The following DLAT variants were observed in gnomAD, a reference collection of about 807,000 sequenced individuals.
DLAT encodes dihydrolipoyllysine-residue acetyltransferase component of pyruvate dehydrogenase complex, mitochondrial.
A neutral mutation model predicts 68.0 loss-of-function variants in DLAT; 43 were observed. The ratio of observed to expected loss-of-function variants is 0.63; its 90% confidence interval spans 0.50 to 0.81. The LOEUF (loss-of-function observed/expected upper bound fraction) is 0.81. Ranked by LOEUF, DLAT falls within the 40% of genes least tolerant of loss-of-function variation. DLAT has a pLI of 0.00. For synonymous variants in DLAT, 265 were observed against 288.6 expected (o/e 0.92, Z 0.83); for missense variants, 745 against 815.4 (o/e 0.91, Z 1.05).
At chr11:112,053,141 G>A (rs1863760797) in intron 11 of DLAT, among the ~76,000 whole-genome samples, 1 of 152,066 alleles carries the variant, frequency 6.6e-6, no homozygotes, top group Non-Finnish European at 1.5e-5. Flanking sequence ...GGCCAACATG[G>A]TGAAACCCCA....
intron 10 of DLAT, among the ~76,000 whole-genome samples, chr11:112,048,171 A>G (rs1863423310): frequency 6.6e-6 from 1 of 152,148 alleles, no homozygotes; most frequent in Non-Finnish European, 1.5e-5. Context: ...TTCTCCTTGA[A>G]GAGGTCCTTC....
intron 7 of DLAT, among the ~76,000 whole-genome samples, chr11:112,039,632 T>C (rs908148756): frequency 6.6e-6 from 1 of 151,600 alleles, no homozygotes; most frequent in Non-Finnish European, 1.5e-5. Flanking sequence ...TTTAGATACC[T>C]TTTTTTTTCC....
In DLAT at chr11:112,043,399, AC is replaced by A. The variant is rs1863144053; in HGVS notation, c.1130-66del. ...CCTTAGGAGCTTGCAGTTTAGGATC[AC>A]AGCGTTGATCTCCTTGGGGAACCAA... On this transcript the variant is annotated intron_variant, in intron 7 of 13. Transcript: ENST00000280346. 3.5e-6 allele frequency: 5 copies of A among 1,443,120 alleles called. No individual in the cohort carries two copies. The East Asian group carries it at 1.1e-4, about 33-fold the overall frequency. The allele number at this position is 1,443,120 out of a possible 1,614,324, so 89.4% of individuals were successfully genotyped here. A position where few individuals can be genotyped will look rare whatever the true frequency, so the allele number is the denominator to read the frequency against.
At chr11:112,045,041 C>CCAA in intron 8 of DLAT, 97 bp from the exon 9 acceptor site, 1 of 789,278 alleles carries the variant, frequency 1.3e-6, no homozygotes, top group Non-Finnish European at 2.1e-6. Flanking sequence ...TCTCAAAAGA[C>CCAA]AAAAAAAAAA....
At chr11:112,043,754 G>A (rs587718670) in intron 8 of DLAT, among the ~76,000 whole-genome samples, 5 of 152,258 alleles carry the variant, frequency 3.3e-5, no homozygotes, top group South Asian at 2.1e-4. Flanking sequence ...ATATAAAATA[G>A]TGTAGTATTT....
intron 6 of DLAT, among the ~76,000 whole-genome samples, chr11:112,037,710 G>T (rs1555180668): frequency 6.6e-6 from 1 of 151,636 alleles, no homozygotes; most frequent in Non-Finnish European, 1.5e-5. Flanking sequence ...AAAGCTGAGT[G>T]ACATGTTCTC....
intron 2 of DLAT, among the ~76,000 whole-genome samples, 172 bp from the exon 3 acceptor site, chr11:112,028,343 T>C (rs587701506): frequency 2.1e-5 from 3 of 141,014 alleles, no homozygotes; most frequent in Admixed American, 1.6e-4. Context: ...CGCTTGAACC[T>C]GGGAGGGGGA....
intron 10 of DLAT, among the ~76,000 whole-genome samples, chr11:112,049,389 G>A (rs1385941437): frequency 6.6e-6 from 1 of 152,092 alleles, no homozygotes; most frequent in African/African-American, 2.4e-5. Context: ...TATTAGTTAG[G>A]TGTTCTTCAG....
At chr11:112,052,903 A>G (rs1389545128) in intron 11 of DLAT, among the ~76,000 whole-genome samples, 1 of 152,098 alleles carries the variant, frequency 6.6e-6, no homozygotes, top group Non-Finnish European at 1.5e-5. Context: ...AGCTTATTAT[A>G]TAAGGGCTCA....
At chr11:112,027,229 G>A (rs1862092272) in intron 2 of DLAT, among the ~76,000 whole-genome samples, 1 of 151,360 alleles carries the variant, frequency 6.6e-6, no homozygotes, top group African/African-American at 2.4e-5. Flanking sequence ...CAGACGGGGC[G>A]GCCGGGAAGA....
chr11:112,061,607 C>T (rs1161828610), intron 13 of DLAT: 1 of 190,462 alleles, frequency 5.3e-6, no homozygotes, highest in East Asian at 1.4e-4. Context: ...TGGAGTCTCA[C>T]TCACCCTGTC....
intron 13 of DLAT, 107 bp downstream of exon 13, chr11:112,061,281 T>C: frequency 8.6e-7 from 1 of 1,156,992 alleles, no homozygotes; most frequent in Non-Finnish European, 1.3e-6. Context: ...TCAAATATCG[T>C]GATCCACAAT....
rs199753392 is a variant in DLAT at position 112,037,353 on chromosome 11, C to G, written c.868C>G (p.Leu290Val). 2 of 1,614,212 alleles carry G rather than the reference C, an allele frequency of 1.2e-6. No homozygotes were observed. Among genetic ancestry groups the G allele is most frequent in the Admixed American group, 1.7e-5 (1 of 60,032 alleles). ...GTRDVPLGTP[L>V]CIIVEKEADI... ...AAGAGATGTCCCTCTAGGAACCCCA[C>G]TCTGTATCATTGTAGAAAAAGAGGC... The change falls in exon 6 of 14, where the codon CTC becomes GTC. Residue 290 changes from leucine to valine, a missense_variant. Leu to Val is a conservative substitution (Grantham distance 32). Transcript: ENST00000280346.
chr11:112,030,478 TC>T, intron 4 of DLAT: 1 of 261,638 alleles, frequency 3.8e-6, no homozygotes, highest in Non-Finnish European at 7.6e-6. Context: ...TGAATGAAAG[TC>T]CCCAGTTGGT....
chr11:112,054,538 CGAGGA>C (rs1472536464), intron 11 of DLAT, among the ~76,000 whole-genome samples: 1 of 152,066 alleles, frequency 6.6e-6, no homozygotes, highest in African/African-American at 2.4e-5. Context: ...ACTCCACAAG[CGAGGA>C]GAGGAGATTC....
At chr11:112,055,003 G>T (rs1287136029) in intron 11 of DLAT, among the ~76,000 whole-genome samples, 2 of 152,034 alleles carry the variant, frequency 1.3e-5, no homozygotes, top group African/African-American at 4.8e-5. Context: ...CTTATCTCAG[G>T]ATCCTAATTA....
rs675283 is a variant in DLAT, at chr11:112,043,725, G to A, written c.1197+192G>A. Among the ~76,000 whole-genome samples the A allele has an allele frequency of 0.98, 149,927 of 152,332 alleles. 73,800 individuals are homozygous for A. The highest frequency in any genetic ancestry group is 1 in the East Asian group (5,191 of 5,192). On this transcript the variant is annotated intron_variant, in intron 8 of 13. Coordinates refer to ENST00000280346, the MANE Select transcript of DLAT (RefSeq NM_001931.5). ...GGAGCCCCCTTGTATACCAAAATTCGCAAATGCTTAAGTCTCTTATATAAA... is the reference window on the plus strand; with the variant it reads ...GGAGCCCCCTTGTATACCAAAATTCACAAATGCTTAAGTCTCTTATATAAA...
chr11:112,061,882 CAG>C (rs1423233062), intron 13 of DLAT, among the ~76,000 whole-genome samples: 13 of 152,226 alleles, frequency 8.5e-5, no homozygotes, highest in African/African-American at 2.9e-4. Flanking sequence ...TGTGCCTGGC[CAG>C]AGTCTCAGTT....
At chr11:112,039,740 T>C (rs1862957737) in intron 7 of DLAT, among the ~76,000 whole-genome samples, 1 of 152,184 alleles carries the variant, frequency 6.6e-6, no homozygotes, top group African/African-American at 2.4e-5. Flanking sequence ...AGTGCTTGGT[T>C]GACTGTAGCA....
Sources: allele counts gnomAD v4.1 joint callset (sites outside exome capture counted in the v4.1 genomes callset), GRCh38; gene constraint gnomAD v4.1.1; transcripts MANE v1.5; gene names NCBI Gene and HGNC (gene_info 2026-07-23, HGNC 2026-07-21).